Variants in CKAP2L observed in about 807,000 individuals in gnomAD.
CKAP2L encodes the protein cytoskeleton associated protein 2L.
Under a neutral mutation model 65.7 loss-of-function variants are expected in CKAP2L, and 42 were observed. The observed-to-expected ratio is 0.64, with a 90% CI of 0.50 to 0.83. The LOEUF is 0.83. Ranked by LOEUF, CKAP2L falls within the 40% of genes least tolerant of loss-of-function variation. The pLI is 0.00. For synonymous variants in CKAP2L, 325 were observed against 313.5 expected (o/e 1.04, Z -0.39); for missense variants, 908 against 871.0 (o/e 1.04, Z -0.53).
intron 7 of CKAP2L, 22 bp from the exon 8 acceptor site, chr2:112,741,029 G>A: frequency 2.0e-6 from 3 of 1,523,570 alleles, no homozygotes; most frequent in South Asian, 1.2e-5. Flanking sequence ...AGATCATGAA[G>A]GAAAGTAAGA....
At chr2:112,760,912 T>A (rs1052074204) in intron 2 of CKAP2L, 148 bp from the exon 3 acceptor site, 5 of 585,372 alleles carry the variant, frequency 8.5e-6, no homozygotes, top group Admixed American at 7.1e-5. Context: ...TTTAATAAAG[T>A]CTCCTTATCA....
At chr2:112,753,081 G>A (rs144184277) in intron 4 of CKAP2L, among the ~76,000 whole-genome samples, 1 of 152,000 alleles carries the variant, frequency 6.6e-6, no homozygotes, top group Non-Finnish European at 1.5e-5. Flanking sequence ...CTGCTTTTTG[G>A]GGGTAGGGGC....
intron 5 of CKAP2L, among the ~76,000 whole-genome samples, chr2:112,751,429 A>C (rs1381170326): frequency 1.3e-5 from 2 of 152,212 alleles, no homozygotes; most frequent in Non-Finnish European, 2.9e-5. Context: ...GGGATGCCTA[A>C]GTATGTATGT....
In CKAP2L at chr2:112,746,480, T is replaced by C; in HGVS notation, c.1698A>G (p.Ala566=). 1 of 1,613,430 alleles carries C rather than the reference T, an allele frequency of 6.2e-7. No homozygotes were observed. Among genetic ancestry groups the C allele is most frequent in the Non-Finnish European group, 8.5e-7 (1 of 1,179,502 alleles). The change falls in exon 6 of 9, where the codon GCA becomes GCG. Residue 566 remains alanine (A), a synonymous_variant. Transcript: ENST00000302450. The part of the protein sequence containing the change: ...KFWICKAKLL[A]SKGTFDVIGL... The stretch of plus-strand genomic sequence containing the variant: ...CAATAACATCAAAGGTGCCTTTACT[T>C]GCCAACAACTTTGCTTTGCAGATCC...
In CKAP2L at chr2:112,756,559, C is replaced by A. The variant is rs1447980392; in HGVS notation, c.812G>T (p.Gly271Val). ...GGGAACCGTCCTTGAGGGTTTTACT[C>A]CTGGTCTTGCAAGATCTGCTCCTCT... is the stretch of plus-strand genomic sequence containing the variant. ...LSRGADLARP[G>V]VKPSRTVPSH... Residue 271 changes from glycine (G) to valine (V), a missense_variant, in exon 4 of 9, where the codon GGA becomes GTA. Coordinates refer to ENST00000302450, the MANE Select transcript of CKAP2L (RefSeq NM_152515.5). 1 of 1,611,968 alleles carries A rather than the reference C, an allele frequency of 6.2e-7. No individual in the cohort carries two copies. Among genetic ancestry groups the A allele is most frequent in the East Asian group, 2.2e-5 (1 of 44,880 alleles).
Position 112,756,422 on chromosome 2 carries a change from T to C in CKAP2L, c.949A>G (p.Lys317Glu). 1 of 1,614,050 alleles carries C rather than the reference T, an allele frequency of 6.2e-7. No homozygotes were observed. The highest frequency in any genetic ancestry group is 2.2e-5 in the East Asian group (1 of 44,888). The change falls in exon 4 of 9, where the codon AAG becomes GAG. Residue 317 changes from lysine (K) to glutamate (E), a missense_variant. By Grantham distance (56) the Lys-to-Glu change is moderately conservative. Transcript: ENST00000302450. ...TCAGTAACAGGGTATGACCGTATCTTAGTTTCATTTGGTCTTTCATATTGA... is the reference window on the plus strand; with the variant it reads ...TCAGTAACAGGGTATGACCGTATCTCAGTTTCATTTGGTCTTTCATATTGA... ...RSQYERPNETKIRSYPVTEQR... is the reference protein window; with the variant it reads ...RSQYERPNETEIRSYPVTEQR...
At chr2:112,746,183 G>T (rs1447115317) in intron 6 of CKAP2L, among the ~76,000 whole-genome samples, 3 of 151,236 alleles carry the variant, frequency 2.0e-5, no homozygotes, top group Admixed American at 1.3e-4. Flanking sequence ...TAATTATATA[G>T]TTTTTTTTTC....
intron 5 of CKAP2L, 119 bp downstream of exon 5, chr2:112,752,148 C>A (rs1574331561): frequency 5.7e-6 from 4 of 699,622 alleles, no homozygotes; most frequent in Non-Finnish European, 9.9e-6. Context: ...TCTGTATTTA[C>A]AAGAGTAGCT....
intron 6 of CKAP2L, chr2:112,742,981 A>G: frequency 1.9e-6 from 1 of 537,782 alleles, no homozygotes; most frequent in Non-Finnish European, 3.3e-6. Context: ...GGCACACTCG[A>G]CTTAATGAAC....
chr2:112,749,222 AAGAGCTACC>A (rs60051851), intron 5 of CKAP2L, among the ~76,000 whole-genome samples: 74,624 of 151,304 alleles, frequency 0.49, 18,864 homozygotes, highest in African/African-American at 0.63. Context: ...GGGATGGAAA[AAGAGCTACC>A]AGAGCTACCA....
At position 112,756,066 on chromosome 2, in the gene CKAP2L, T is replaced by C. The variant is rs752099143; in HGVS notation, c.1305A>G (p.Thr435=). The C allele has an allele frequency of 6.2e-7, 1 of 1,614,086 alleles. No individual in the cohort carries two copies. Among genetic ancestry groups the C allele is most frequent in the Non-Finnish European group, 8.5e-7 (1 of 1,180,004 alleles). ...AVPQNHFLNK[T]APKTQADVTT... is the part of the protein sequence containing the mutation. ...TGACATCAGCTTGAGTTTTGGGAGC[T>C]GTCTTGTTCAGAAAATGGTTCTGGG... Residue 435 remains threonine, a synonymous_variant, in exon 4 of 9, where the codon ACA becomes ACG. Coordinates refer to ENST00000302450, the MANE Select transcript of CKAP2L (RefSeq NM_152515.5).
At chr2:112,764,379 C>G (rs1017057967) in intron 1 of CKAP2L, among the ~76,000 whole-genome samples, 183 bp downstream of exon 1, 7 of 152,218 alleles carry the variant, frequency 4.6e-5, no homozygotes, top group East Asian at 1.9e-4. Flanking sequence ...CAGCCTCCCC[C>G]GCCCAGGACC....
rs779798384 is a variant in CKAP2L, at chr2:112,756,787, G to A, written c.584C>T (p.Pro195Leu). Residue 195 changes from proline (P) to leucine (L), a missense_variant, in exon 4 of 9, where the codon CCT (proline) becomes CTT (leucine). Pro to Leu is a moderately conservative substitution (Grantham distance 98, BLOSUM62 -3). Transcript: ENST00000302450. ...KENLLDILTE[P>L]ERKPDPKLYT... The stretch of plus-strand genomic sequence containing the variant: ...TAATTTAGGATCTGGCTTCCTCTCA[G>A]GTTCTGTTAAGATATCGAGCAAGTT... The A allele has an allele frequency of 4.4e-6, 7 of 1,603,692 alleles. No homozygotes were observed. The Admixed American group carries it at 1.0e-4, about 24-fold the overall frequency.
Position 112,742,697 on chromosome 2 carries a change from T to C in CKAP2L, c.1822+9A>G. On this transcript the variant is annotated intron_variant, in intron 7 of 8. Transcript: ENST00000302450. The stretch of plus-strand genomic sequence containing the variant: ...GAGAAGATGAATTTAAATTCAAAAA[T>C]AATAGTACCTTCTGTGGTTCTGTTT... The C allele has an allele frequency of 6.4e-7, 1 of 1,556,582 alleles. No homozygotes were observed. Among genetic ancestry groups the C allele is most frequent in the Non-Finnish European group, 8.8e-7 (1 of 1,134,190 alleles).
chr2:112,756,303 C>G lies in CKAP2L; in HGVS notation c.1068G>C (p.Lys356Asn). Residue 356 changes from lysine to asparagine, a missense_variant, in exon 4 of 9, where the codon AAG becomes AAC. Physicochemically the swap from Lys to Asn is moderately conservative, Grantham distance 94. Coordinates refer to ENST00000302450, the MANE Select transcript of CKAP2L (RefSeq NM_152515.5). Reference sequence around the variant, plus strand: ...TCTGAGGTATACAAACTTGGCTGGACTTCTGATCTTGCTTGATGTTTGGAT... The same window carrying G: ...TCTGAGGTATACAAACTTGGCTGGAGTTCTGATCTTGCTTGATGTTTGGAT... Reference protein sequence around the residue: ...NRHPNIKQDQKSSQVCIPQTS... With the variant: ...NRHPNIKQDQNSSQVCIPQTS... The G allele has an allele frequency of 6.2e-7, 1 of 1,613,898 alleles. No individual in the cohort carries two copies. Among genetic ancestry groups the G allele is most frequent in the Non-Finnish European group, 8.5e-7 (1 of 1,179,908 alleles).
At chr2:112,755,484 T>A (rs1427958046) in intron 4 of CKAP2L, among the ~76,000 whole-genome samples, 1 of 152,128 alleles carries the variant, frequency 6.6e-6, no homozygotes, top group Admixed American at 6.5e-5. Flanking sequence ...TTGAACTGAC[T>A]GCTCCTGCTT....
chr2:112,763,441 G>C (rs35770841), intron 1 of CKAP2L, among the ~76,000 whole-genome samples: 131 of 151,938 alleles, frequency 8.6e-4, no homozygotes, highest in Non-Finnish European at 1.6e-3. Flanking sequence ...CTATACTATG[G>C]TGACTTTCTA....
At chr2:112,744,991 G>A (rs1680160080) in intron 6 of CKAP2L, among the ~76,000 whole-genome samples, 1 of 152,182 alleles carries the variant, frequency 6.6e-6, no homozygotes, top group Non-Finnish European at 1.5e-5. Flanking sequence ...AATAGACAAT[G>A]TAGGAAGAAG....
At chr2:112,750,331 C>T (rs1680331834) in intron 5 of CKAP2L, among the ~76,000 whole-genome samples, 1 of 151,866 alleles carries the variant, frequency 6.6e-6, no homozygotes, top group Admixed American at 6.5e-5. Flanking sequence ...CAGCCAGCAT[C>T]TGTGCTCCCT....
Sources: allele counts gnomAD v4.1 joint callset (sites outside exome capture counted in the v4.1 genomes callset), GRCh38; gene constraint gnomAD v4.1.1; transcripts MANE v1.5; gene names NCBI Gene and HGNC (gene_info 2026-07-23, HGNC 2026-07-21).